The following NEMP1 variants were observed in gnomAD, a reference collection of about 807,000 sequenced individuals.
The protein encoded by NEMP1 is nuclear envelope integral membrane protein 1.
In NEMP1, 29 loss-of-function variants were observed where a neutral mutation model predicts 53.7. The observed-to-expected ratio is 0.54, with a 90% confidence interval of 0.40 to 0.74. NEMP1 has a LOEUF of 0.74. Among genes scored for constraint, NEMP1 ranks in the 30% least tolerant of loss-of-function variants. The pLI, the probability that NEMP1 is intolerant of heterozygous loss-of-function variation, is 0.00. For missense variants in NEMP1, 477 were observed against 528.6 expected, an observed-to-expected ratio of 0.90 and a Z score of 0.96; for synonymous variants, 193 against 192.9, an observed-to-expected ratio of 1.00 and a Z score of 0.00.
chr12:57,066,857 G>C (rs2032103693), intron 4 of NEMP1, among the ~76,000 whole-genome samples: 2 of 152,138 alleles, frequency 1.3e-5, no homozygotes, highest in Non-Finnish European at 2.9e-5. Context: ...GGTTTTATAA[G>C]GGGTTTCCAC....
chr12:57,062,191 T>C (rs1202586291), intron 7 of NEMP1, among the ~76,000 whole-genome samples: 2 of 152,124 alleles, frequency 1.3e-5, no homozygotes, highest in Non-Finnish European at 2.9e-5. Context: ...AGAAATAGTC[T>C]GAAATGGGCT....
At position 57,063,195 on chromosome 12, in the gene NEMP1, C is replaced by T. The variant is rs757661131; in HGVS notation, c.904G>A (p.Ala302Thr). The T allele has an allele frequency of 2.2e-5, 35 of 1,613,964 alleles. No homozygotes were observed. Among genetic ancestry groups the T allele is most frequent in the Non-Finnish European group, 2.5e-6 (3 of 1,180,012 alleles). The change falls in exon 7 of 9, where the codon GCC becomes ACC. Residue 302 changes from alanine to threonine, a missense_variant. Coordinates refer to ENST00000300128, the MANE Select transcript of NEMP1 (RefSeq NM_001130963.2). ...AGAGCAATGATGATAATGGCAAGGG[C>T]AATATGTGGTATCTGGATGCCAGAA... ...MYSGIQIPHIALAIIIIALCT... is the reference protein window; with the variant it reads ...MYSGIQIPHITLAIIIIALCT...
intron 1 of NEMP1, among the ~76,000 whole-genome samples, chr12:57,075,778 C>A (rs934767850): frequency 9.2e-5 from 14 of 151,486 alleles, no homozygotes; most frequent in African/African-American, 3.2e-4. Context: ...ACCAGCCTGG[C>A]CAACATGGCG....
In NEMP1 at chr12:57,076,167, C is replaced by G. The variant is rs372967203; in HGVS notation, c.127+2452G>C. On this transcript the variant is annotated intron_variant, in intron 1 of 8. Transcript: ENST00000300128. ...TTACAACAATGAAAAACTAGAAATA[C>G]CACAAATATCCAACCAACAGTACAA... Among the ~76,000 whole-genome samples, 91 of 145,522 alleles carry G rather than the reference C, an allele frequency of 6.3e-4. No individual in the cohort carries two copies. The East Asian group carries it at 0.015, about 24-fold the overall frequency.
chr12:57,059,885 T>C lies in NEMP1; in HGVS notation c.1329A>G (p.Leu443=). The part of the protein sequence containing the change: ...RCPAITQNNF[L]T ...AAAGATAACTGACCACTACCTAGGT[T>C]AGAAAGTTGTTCTGTGTGATAGCAG... The change falls in exon 9 of 9, where the codon CTA becomes CTG. Residue 443 remains leucine (L), a synonymous_variant. Coordinates refer to ENST00000300128, the MANE Select transcript of NEMP1 (RefSeq NM_001130963.2). 6.2e-7 allele frequency: 1 copy of C among 1,613,388 alleles called. No individual in the cohort carries two copies. Among genetic ancestry groups the C allele is most frequent in the Non-Finnish European group, 8.5e-7 (1 of 1,179,710 alleles).
At chr12:57,078,143 ATTTC>A (rs1439137015) in intron 1 of NEMP1, among the ~76,000 whole-genome samples, 1 of 152,140 alleles carries the variant, frequency 6.6e-6, no homozygotes, top group African/African-American at 2.4e-5. Flanking sequence ...AGATCACTGC[ATTTC>A]TGTCAACTAC....
intron 4 of NEMP1, among the ~76,000 whole-genome samples, chr12:57,065,729 G>C (rs1483520273): frequency 6.6e-6 from 1 of 151,618 alleles, no homozygotes; most frequent in Admixed American, 6.6e-5. Flanking sequence ...CGAACTCCCT[G>C]GGCTCAAGTG....
At chr12:57,064,522 G>A in intron 5 of NEMP1, 124 bp downstream of exon 5, 3 of 635,770 alleles carry the variant, frequency 4.7e-6, no homozygotes, top group Non-Finnish European at 7.9e-6. Context: ...TCTGAATCAA[G>A]GAGAGTAGGA....
In NEMP1 at chr12:57,084,151, C is replaced by T. The variant is rs888699667; in HGVS notation, n.113+3800G>A. On this transcript the variant is annotated intron_variant and non_coding_transcript_variant, in intron 1 of 2. Coordinates refer to the NEMP1 transcript ENST00000553654. ...GTAATTTTTGTATTTTTAGTAGAGA[C>T]GGGGTTTCGCTATGTTGGCCGGCTT... Among the ~76,000 whole-genome samples, 5 of 152,086 alleles carry T rather than the reference C, an allele frequency of 3.3e-5. No homozygotes were observed. The East Asian group carries it at 7.7e-4, about 23-fold the overall frequency.
upstream of NEMP1, among the ~76,000 whole-genome samples, chr12:57,081,862 G>A (rs1017480829): frequency 1.4e-5 from 2 of 146,540 alleles, no homozygotes; most frequent in African/African-American, 5.1e-5. Flanking sequence ...AGCTGAGATC[G>A]CTCCACTGCA....
rs1156483417 is a variant in NEMP1, at chr12:57,059,366, T to C, written c.*513A>G. The C allele has an allele frequency of 6.6e-6, 1 of 152,276 alleles. No homozygotes were observed. The highest frequency in any genetic ancestry group is 2.4e-5 in the African/African-American group (1 of 41,452). 9.4% of individuals were successfully genotyped at this position (152,276 alleles called of 1,614,324 possible). ...GACATTCATTTAAAAAACAAAACAATAAAAATCTATTTTCCTCCCAAAACA... is the reference window on the plus strand; with the variant it reads ...GACATTCATTTAAAAAACAAAACAACAAAAATCTATTTTCCTCCCAAAACA... On this transcript the variant is annotated 3_prime_UTR_variant, in exon 9 of 9. Coordinates refer to ENST00000300128, the MANE Select transcript of NEMP1 (RefSeq NM_001130963.2).
intron 1 of NEMP1, among the ~76,000 whole-genome samples, chr12:57,076,634 C>T (rs1257620236): frequency 6.6e-6 from 1 of 151,728 alleles, no homozygotes; most frequent in Non-Finnish European, 1.5e-5. Flanking sequence ...GGTGAAACCC[C>T]GTCTGTACAA....
rs1280346609 is a variant in NEMP1, at chr12:57,057,142, C to G, written c.*2737G>C. Reference sequence around the variant, plus strand: ...CTCTTGTATTCCCATTAATGGGAGTCTCTACATTAATGCTCTACATAATTT... The same window carrying G: ...CTCTTGTATTCCCATTAATGGGAGTGTCTACATTAATGCTCTACATAATTT... On this transcript the variant is annotated 3_prime_UTR_variant, in exon 9 of 9. Transcript: ENST00000300128. 6.6e-6 allele frequency: 1 copy of G among 152,128 alleles called. No individual in the cohort carries two copies. Among genetic ancestry groups the G allele is most frequent in the Admixed American group, 6.6e-5 (1 of 15,260 alleles). The allele number at this position is 152,128 out of a possible 1,614,324, so 9.4% of individuals were successfully genotyped here. A position where few individuals can be genotyped will look rare whatever the true frequency, so the allele number is the denominator to read the frequency against.
chr12:57,061,140 G>A (rs1392789839), intron 7 of NEMP1, among the ~76,000 whole-genome samples, 195 bp from the exon 8 acceptor site: 1 of 151,858 alleles, frequency 6.6e-6, no homozygotes, highest in Non-Finnish European at 1.5e-5. Context: ...ATTCATAGGC[G>A]ACAGAGCGAG....
At chr12:57,066,091 A>T (rs1014544483) in intron 4 of NEMP1, among the ~76,000 whole-genome samples, 6 of 152,046 alleles carry the variant, frequency 3.9e-5, no homozygotes, top group African/African-American at 1.4e-4. Context: ...TGTCTCTACT[A>T]AAAATACAAA....
chr12:57,066,128 G>A (rs1021439005), intron 4 of NEMP1, among the ~76,000 whole-genome samples: 3 of 151,948 alleles, frequency 2.0e-5, no homozygotes, highest in South Asian at 2.1e-4. Context: ...GGTGGCAGGC[G>A]CCTATAGTCC....
rs570002544 is a variant in NEMP1 at position 57,070,958 on chromosome 12, A to C, written c.253-65T>G. The stretch of plus-strand genomic sequence containing the variant: ...AGGAATTTTAATTTTTCACAAATAC[A>C]ATTTTTTAAAAAACCCTCAGACTAA... On this transcript the variant is annotated intron_variant, in intron 2 of 8. Transcript: ENST00000300128. 70 of 1,390,834 alleles carry C rather than the reference A, an allele frequency of 5.0e-5. No homozygotes were observed. The East Asian group carries it at 5.4e-4, about 11-fold the overall frequency. The allele number at this position is 1,390,834 out of a possible 1,614,324, so 86.2% of individuals were successfully genotyped here.
upstream of NEMP1, among the ~76,000 whole-genome samples, chr12:57,083,659 G>T (rs1392734444): frequency 6.6e-6 from 1 of 152,250 alleles, no homozygotes; most frequent in African/African-American, 2.4e-5. Flanking sequence ...ACTGTGGTAA[G>T]TGAAAGATGG....
chr12:57,072,052 T>C (rs1023209096), intron 2 of NEMP1, among the ~76,000 whole-genome samples: 10 of 152,222 alleles, frequency 6.6e-5, no homozygotes, highest in Admixed American at 1.3e-4. Flanking sequence ...ATATCTCATA[T>C]AGAATCAGAA....
Sources: gnomAD v4.1 joint callset for allele counts (sites outside exome capture counted in the v4.1 genomes callset) on GRCh38, gnomAD v4.1.1 for gene constraint, MANE v1.5 for transcripts, NCBI Gene and HGNC (gene_info 2026-07-23, HGNC 2026-07-21) for gene names.